Variants in RSRC1 observed in about 807,000 individuals in gnomAD.
RSRC1 encodes serine/Arginine-related protein 53.
Under a neutral mutation model 49.1 loss-of-function variants are expected in RSRC1, and 39 were observed. The observed-to-expected ratio is 0.79, with a 90% CI of 0.61 to 1.04. RSRC1 has a LOEUF of 1.04. Ranked by LOEUF, RSRC1 falls within the 50% of genes least tolerant of loss-of-function variation. RSRC1 has a pLI of 0.00. For missense variants in RSRC1, 388 were observed against 402.4 expected (o/e 0.96, Z 0.31); for synonymous variants, 143 against 130.8 (o/e 1.09, Z -0.63).
intron 3 of RSRC1, among the ~76,000 whole-genome samples, chr3:158,202,164 G>T (rs1559941023): frequency 6.6e-6 from 1 of 152,002 alleles, no homozygotes; most frequent in Non-Finnish European, 1.5e-5. Context: ...ACAGGCATGT[G>T]CCACCACGCC....
intron 7 of RSRC1, among the ~76,000 whole-genome samples, chr3:158,479,039 AT>A (rs1738502066): frequency 6.6e-6 from 1 of 150,544 alleles, no homozygotes; most frequent in Non-Finnish European, 1.5e-5. Flanking sequence ...TTGTGGATTA[AT>A]TTTTGTATGT....
chr3:158,492,811 T>TA (rs1739143538), intron 7 of RSRC1, among the ~76,000 whole-genome samples: 1 of 152,204 alleles, frequency 6.6e-6, no homozygotes, highest in Non-Finnish European at 1.5e-5. Flanking sequence ...ACTAAGAATT[T>TA]ATTTTCTTTT....
intron 6 of RSRC1, among the ~76,000 whole-genome samples, chr3:158,426,321 T>G (rs966116794): frequency 9.2e-5 from 14 of 151,504 alleles, no homozygotes; most frequent in Non-Finnish European, 1.6e-4. Context: ...TGACAAAATA[T>G]TAATATCTGG....
intron 1 of RSRC1, among the ~76,000 whole-genome samples, chr3:158,111,386 A>G (rs957936980): frequency 4.6e-5 from 7 of 152,270 alleles, no homozygotes; most frequent in Admixed American, 4.6e-4. Context: ...TGCCAACTCA[A>G]CCAGTCTCAC....
chr3:158,359,553 C>T (rs954435609), intron 6 of RSRC1, among the ~76,000 whole-genome samples: 1 of 152,080 alleles, frequency 6.6e-6, no homozygotes, highest in African/African-American at 2.4e-5. Context: ...TGCAGCTGGT[C>T]CGGGCACACT....
intron 7 of RSRC1, among the ~76,000 whole-genome samples, chr3:158,511,934 T>C (rs1740209598): frequency 6.6e-6 from 1 of 152,004 alleles, no homozygotes; most frequent in African/African-American, 2.4e-5. Context: ...TTGAGAAGTG[T>C]CTGTTCATGT....
At chr3:158,460,426 G>A (rs1737549834) in intron 6 of RSRC1, among the ~76,000 whole-genome samples, 1 of 151,852 alleles carries the variant, frequency 6.6e-6, no homozygotes, top group Non-Finnish European at 1.5e-5. Flanking sequence ...GGTTTCTAGA[G>A]GGAAAGAGAT....
chr3:158,343,574 G>C (rs1578364720), intron 5 of RSRC1, among the ~76,000 whole-genome samples: 1 of 152,172 alleles, frequency 6.6e-6, no homozygotes, highest in East Asian at 1.9e-4. Flanking sequence ...TATTGCACCT[G>C]ATCAGAGAGC....
rs150655950 is a variant in RSRC1 at position 158,252,882 on chromosome 3, A to T, written c.495-45157A>T. Among the ~76,000 whole-genome samples, 287 of 152,098 alleles carry T rather than the reference A, an allele frequency of 1.9e-3. 1 individual carries two copies. The highest frequency in any genetic ancestry group is 3.5e-3 in the Non-Finnish European group (239 of 68,014). On this transcript the variant is annotated intron_variant, in intron 4 of 9. Transcript: ENST00000611884. The stretch of plus-strand genomic sequence containing the variant: ...CCAATTTCTTGGCATATAGTTTCTC[A>T]TAGTAGCCTTTATTGATCCTTTAAA...
At position 158,290,335 on chromosome 3, in the gene RSRC1, CGATTTCGGCT is replaced by C. The variant is rs556917703; in HGVS notation, c.495-7703_495-7694del. Among the ~76,000 whole-genome samples the C allele has an allele frequency of 5.7e-3, 872 of 151,952 alleles. 8 individuals carry two copies. Among genetic ancestry groups the C allele is most frequent in the African/African-American group, 0.02 (822 of 41,424 alleles). ...TCTCCCAGGCTGGAGTGCAGTGGCGCGATTTCGGCTCACTGCAAGCTCCGCCTCCCAGGTT... is the reference window on the plus strand; with the variant it reads ...TCTCCCAGGCTGGAGTGCAGTGGCGCCACTGCAAGCTCCGCCTCCCAGGTT... On this transcript the variant is annotated intron_variant, in intron 4 of 9. Coordinates refer to ENST00000611884, the MANE Select transcript of RSRC1 (RefSeq NM_001271838.2).
intron 7 of RSRC1, among the ~76,000 whole-genome samples, chr3:158,518,148 A>ATTTTTTTTTT (rs72132266): frequency 1.4e-4 from 6 of 44,130 alleles, no homozygotes; most frequent in South Asian, 1.0e-3. Flanking sequence ...ATATATATAT[A>ATTTTTTTTTT]TTTTTTTTTT....
chr3:158,451,440 C>G (rs746452436), intron 6 of RSRC1, among the ~76,000 whole-genome samples: 20 of 151,926 alleles, frequency 1.3e-4, no homozygotes, highest in Non-Finnish European at 1.9e-4. Flanking sequence ...ATAGTTATAA[C>G]TAGTGAGTTT....
Position 158,544,680 on chromosome 3 carries a change from A to G in RSRC1, c.*405A>G, listed in dbSNP as rs1355422649. Reference sequence around the variant, plus strand: ...GATTTCATCTTCCGTATGGTATTCAACCATTTTTAAATATTTTATTTCACC... The same window carrying G: ...GATTTCATCTTCCGTATGGTATTCAGCCATTTTTAAATATTTTATTTCACC... On this transcript the variant is annotated 3_prime_UTR_variant, in exon 10 of 10. Coordinates refer to ENST00000611884, the MANE Select transcript of RSRC1 (RefSeq NM_001271838.2). 6.5e-6 allele frequency: 1 copy of G among 152,810 alleles called. No homozygotes were observed. The highest frequency in any genetic ancestry group is 1.5e-5 in the Non-Finnish European group (1 of 68,480). The allele number at this position is 152,810 out of a possible 1,614,324, so 9.5% of individuals were successfully genotyped here. A position where few individuals can be genotyped will look rare whatever the true frequency, so the allele number is the denominator to read the frequency against.
At chr3:158,170,573 T>C (rs1277310721) in intron 3 of RSRC1, among the ~76,000 whole-genome samples, 1 of 152,158 alleles carries the variant, frequency 6.6e-6, no homozygotes, top group Non-Finnish European at 1.5e-5. Flanking sequence ...GGGAGGATAC[T>C]CAAAACTTAA....
intron 7 of RSRC1, among the ~76,000 whole-genome samples, chr3:158,489,840 T>TTAG (rs1178505928): frequency 1.3e-5 from 2 of 152,130 alleles, no homozygotes; most frequent in Admixed American, 1.3e-4. Context: ...GGAAAAGGGA[T>TTAG]TAGTATCTTA....
chr3:158,465,454 C>A (rs576354679), intron 7 of RSRC1, among the ~76,000 whole-genome samples: 30 of 152,206 alleles, frequency 2.0e-4, no homozygotes, highest in African/African-American at 6.5e-4. Flanking sequence ...ACCCTAAGAC[C>A]CTTTGTTCCT....
chr3:158,521,565 T>C (rs966294688), intron 7 of RSRC1, among the ~76,000 whole-genome samples: 9 of 152,058 alleles, frequency 5.9e-5, no homozygotes, highest in African/African-American at 2.2e-4. Context: ...ATATCTTTAC[T>C]CAAAAAAAGG....
intron 4 of RSRC1, among the ~76,000 whole-genome samples, chr3:158,248,607 T>A (rs996639491): frequency 2.8e-4 from 42 of 152,008 alleles, no homozygotes; most frequent in African/African-American, 9.4e-4. Context: ...TTAACTTTTT[T>A]TTTTTTTTGA....
In RSRC1 at chr3:158,265,309, T is replaced by C. The variant is rs114599842; in HGVS notation, c.495-32730T>C. Among the ~76,000 whole-genome samples, 637 of 152,290 alleles carry C rather than the reference T, an allele frequency of 4.2e-3. 1 individual carries two copies. The highest frequency in any genetic ancestry group is 6.6e-3 in the Non-Finnish European group (450 of 68,018). Reference sequence around the variant, plus strand: ...AGTATAAATGTGTTCTGTTTACTTATCTTGAACCAAATCTTTTGCCCATTT... The same window carrying C: ...AGTATAAATGTGTTCTGTTTACTTACCTTGAACCAAATCTTTTGCCCATTT... On this transcript the variant is annotated intron_variant, in intron 4 of 9. Coordinates refer to ENST00000611884, the MANE Select transcript of RSRC1 (RefSeq NM_001271838.2).
Sources: allele counts gnomAD v4.1 joint callset (sites outside exome capture counted in the v4.1 genomes callset), GRCh38; gene constraint gnomAD v4.1.1; transcripts MANE v1.5; gene names NCBI Gene and HGNC (gene_info 2026-07-23, HGNC 2026-07-21).